Variants in ZFHX3 observed in about 807,000 individuals in gnomAD.
ZFHX3 encodes zinc finger homeobox 3.
A neutral mutation model predicts 279.1 loss-of-function variants in ZFHX3; 42 were observed. The ratio of observed to expected loss-of-function variants is 0.15; its 90% CI spans 0.12 to 0.19. The LOEUF is 0.19. ZFHX3 is among the 10% of genes least tolerant of loss of function. The probability of loss-of-function intolerance (pLI) is 1.00; values close to 1 mark genes in which losing one functional copy is unlikely to be tolerated. For synonymous variants in ZFHX3, 2,293 were observed against 1,957.8 expected (o/e 1.17, Z -4.52); for missense variants, 4,981 against 4,754.0 (o/e 1.05, Z -1.40).
Position 72,798,387 on chromosome 16 carries a change from C to T in ZFHX3, c.4295G>A (p.Cys1432Tyr), listed in dbSNP as rs755859154. Residue 1432 changes from cysteine to tyrosine, a missense_variant, in exon 9 of 10, where the codon TGT becomes TAT. Around this residue, in one of 7 missense-constraint regions of ZFHX3, gnomAD observed 1,751 missense variants for 1,770.0 expected, o/e 0.99. Coordinates refer to ENST00000268489, the MANE Select transcript of ZFHX3 (RefSeq NM_006885.4). ...AGTTCGGAAACTGCGCTGACAAAGA[C>T]AGCACATGGTGGCAGCTCTGATCAC... is the stretch of plus-strand genomic sequence containing the variant. Reference protein sequence around the residue: ...YHVIRAATMCCLCQRSFRTFQ... With the variant: ...YHVIRAATMCYLCQRSFRTFQ... 1.2e-6 allele frequency: 2 copies of T among 1,614,218 alleles called. No individual in the cohort carries two copies. The highest frequency in any genetic ancestry group is 1.7e-6 in the Non-Finnish European group (2 of 1,180,048).
intron 6 of ZFHX3, chr16:73,134,431 A>G (rs1425966123): frequency 1.4e-5 from 2 of 142,652 alleles, no homozygotes; most frequent in Non-Finnish European, 3.0e-5. Flanking sequence ...CCTGGTCTCA[A>G]GTGATCCTTC....
intron 2 of ZFHX3, among the ~76,000 whole-genome samples, chr16:73,641,531 G>A (rs1463495422): frequency 6.6e-6 from 1 of 152,130 alleles, no homozygotes; most frequent in Non-Finnish European, 1.5e-5. Flanking sequence ...TGTCAGAAAA[G>A]CAATATAACT....
At chr16:73,059,983 G>C (rs1965660006), upstream of ZFHX3, among the ~76,000 whole-genome samples, 1 of 152,114 alleles carries the variant, frequency 6.6e-6, no homozygotes, top group African/African-American at 2.4e-5. Context: ...TTGGAAACAA[G>C]TCCAACTTTC....
chr16:72,961,651 A>G (rs1165356001), intron 1 of ZFHX3, among the ~76,000 whole-genome samples: 1 of 149,330 alleles, frequency 6.7e-6, no homozygotes, highest in Non-Finnish European at 1.5e-5. Context: ...TCATTTCTTG[A>G]TTATTGACTG....
intron 3 of ZFHX3, among the ~76,000 whole-genome samples, chr16:73,374,879 C>T (rs889046871): frequency 3.9e-5 from 6 of 152,156 alleles, no homozygotes; most frequent in Non-Finnish European, 5.9e-5. Flanking sequence ...GATCCAATGG[C>T]TTGACAGGGT....
chr16:73,043,843 C>G (rs62055070), intron 1 of ZFHX3, among the ~76,000 whole-genome samples: 4,235 of 152,346 alleles, frequency 0.028, 66 homozygotes, highest in South Asian at 0.062. Context: ...AGAGATCAAT[C>G]TGGCAGTCAA....
chr16:73,699,861 G>A (rs2053230797), intron 1 of ZFHX3, among the ~76,000 whole-genome samples: 1 of 152,118 alleles, frequency 6.6e-6, no homozygotes, highest in African/African-American at 2.4e-5. Context: ...AAGACCACAG[G>A]ATGAGAAATT....
At chr16:73,369,492 G>A (rs1328023053) in intron 3 of ZFHX3, among the ~76,000 whole-genome samples, 1 of 152,224 alleles carries the variant, frequency 6.6e-6, no homozygotes, top group East Asian at 1.9e-4. Context: ...CTTGGGGAAT[G>A]CAGTGGAACT....
intron 3 of ZFHX3, among the ~76,000 whole-genome samples, chr16:73,452,927 C>T (rs2018301399): frequency 1.3e-5 from 2 of 152,352 alleles, no homozygotes; most frequent in Non-Finnish European, 2.9e-5. Flanking sequence ...CTCTCTTTCT[C>T]AAAGAGGTTA....
At chr16:73,296,758 T>C (rs2014920501) in intron 4 of ZFHX3, among the ~76,000 whole-genome samples, 1 of 151,996 alleles carries the variant, frequency 6.6e-6, no homozygotes, top group Non-Finnish European at 1.5e-5. Flanking sequence ...ATATTGACAA[T>C]GACAATGGGA....
intron 2 of ZFHX3, among the ~76,000 whole-genome samples, chr16:73,661,283 T>TA (rs201367837): frequency 0.019 from 2,824 of 152,214 alleles, 38 homozygotes; most frequent in Middle Eastern, 0.034. Context: ...GCCTCAATTG[T>TA]AAAAAACAAA....
chr16:73,366,820 C>T (rs912501795), intron 3 of ZFHX3, among the ~76,000 whole-genome samples: 11 of 152,136 alleles, frequency 7.2e-5, no homozygotes, highest in Non-Finnish European at 1.3e-4. Context: ...TCTATGATCA[C>T]ATCAAGACTA....
Position 72,950,647 on chromosome 16 carries a change from T to C in ZFHX3, c.3038A>G (p.Gln1013Arg). The C allele has an allele frequency of 6.2e-7, 1 of 1,614,226 alleles. No homozygotes were observed. Among genetic ancestry groups the C allele is most frequent in the Non-Finnish European group, 8.5e-7 (1 of 1,180,036 alleles). Residue 1013 changes from glutamine (Q) to arginine (R), a missense_variant, in exon 3 of 10, where the codon CAG becomes CGG. This residue lies in a region of ZFHX3 where 1,751 missense variants were observed against 1,770.0 expected (regional missense o/e 0.99). Transcript: ENST00000268489. ...GCCCTCCTTGATGTGGGCCACCAGC[T>C]GGTACTTCTGCACGTGCTTGTCTGT... ...CKTDKHVQKY[Q>R]LVAHIKEGGK...
chr16:72,785,711 A>AAAAG lies in ZFHX3; in HGVS notation c.*1449_*1452dup, dbSNP rs1290406292. On this transcript the variant is annotated 3_prime_UTR_variant, in exon 10 of 10. Coordinates refer to ENST00000268489, the MANE Select transcript of ZFHX3 (RefSeq NM_006885.4). ...ATCCCTAACCAAAAACTTTTTTTAG[A>AAAAG]AAAGAAAAGTACACAGCCAATTACA... 1.3e-5 allele frequency: 2 copies of AAAAG among 152,054 alleles called. No homozygotes were observed. Among genetic ancestry groups the AAAAG allele is most frequent in the African/African-American group, 4.8e-5 (2 of 41,396 alleles). 9.4% of individuals were successfully genotyped at this position (152,054 alleles called of 1,614,324 possible).
intron 5 of ZFHX3, among the ~76,000 whole-genome samples, chr16:73,193,726 G>A (rs897501637): frequency 4.6e-5 from 7 of 152,172 alleles, no homozygotes; most frequent in African/African-American, 1.7e-4. Context: ...TATGGGGCCA[G>A]ACCCTGGTCA....
intron 7 of ZFHX3, among the ~76,000 whole-genome samples, chr16:73,117,031 T>A (rs1375378374): frequency 6.6e-6 from 1 of 152,240 alleles, no homozygotes. Context: ...TTGTCTTTAT[T>A]TCCTACAAAG....
intron 1 of ZFHX3, among the ~76,000 whole-genome samples, chr16:73,026,025 T>C (rs1964483366): frequency 6.6e-6 from 1 of 151,784 alleles, no homozygotes; most frequent in African/African-American, 2.4e-5. Context: ...AACACACCCA[T>C]GTCTTGGCAG....
chr16:73,594,128 A>C (rs1050127889), intron 2 of ZFHX3, among the ~76,000 whole-genome samples: 3 of 152,236 alleles, frequency 2.0e-5, no homozygotes, highest in African/African-American at 7.2e-5. Context: ...AATATGATAA[A>C]GGAAATCTAA....
chr16:73,577,109 A>G (rs1351658904), intron 2 of ZFHX3, among the ~76,000 whole-genome samples: 1 of 152,238 alleles, frequency 6.6e-6, no homozygotes, highest in Non-Finnish European at 1.5e-5. Context: ...ATTGCTGAGT[A>G]TGTGAACAGG....
Sources: gnomAD v4.1 joint callset for allele counts (sites outside exome capture counted in the v4.1 genomes callset) on GRCh38, gnomAD v4.1.1 for gene constraint, gnomAD v4.1.1 regional missense constraint, MANE v1.5 for transcripts, NCBI Gene and HGNC (gene_info 2026-07-23, HGNC 2026-07-21) for gene names.